Variants in KHDRBS2 observed in about 807,000 individuals in gnomAD.
The protein encoded by KHDRBS2 is KH domain-containing, RNA-binding, signal transduction-associated protein 2.
In KHDRBS2, 26 loss-of-function variants were observed where a neutral mutation model predicts 44.3. The observed-to-expected ratio is 0.59, with a 90% confidence interval of 0.43 to 0.81. The LOEUF (loss-of-function observed/expected upper bound fraction) is 0.81, where lower values mean the gene tolerates loss of function less well. KHDRBS2 is among the 40% of genes least tolerant of loss of function. The pLI is 0.00. For synonymous variants in KHDRBS2, 194 were observed against 151.1 expected (o/e 1.28, Z -2.08); for missense variants, 476 against 433.1 (o/e 1.10, Z -0.88).
chr6:61,793,365 G>A (rs973337523), intron 6 of KHDRBS2, among the ~76,000 whole-genome samples: 1 of 151,978 alleles, frequency 6.6e-6, no homozygotes, highest in Non-Finnish European at 1.5e-5. Context: ...ATGTGTACAT[G>A]TTTATAGGGT....
intron 3 of KHDRBS2, among the ~76,000 whole-genome samples, chr6:62,002,120 G>A (rs1413628859): frequency 6.6e-6 from 1 of 151,708 alleles, no homozygotes; most frequent in African/African-American, 2.4e-5. Context: ...GCACACATTT[G>A]AAACCATTCA....
intron 4 of KHDRBS2, among the ~76,000 whole-genome samples, chr6:61,945,108 A>T (rs1331971679): frequency 0.4 from 21,736 of 54,658 alleles, 4,501 homozygotes; most frequent in East Asian, 0.46. Context: ...AAAAAAAAAA[A>T]AAAAGTATAT....
At chr6:61,607,494 G>A in the KHDRBS2 span, among the ~76,000 whole-genome samples, 51 of 63,814 alleles carry the variant, frequency 8.0e-4, no homozygotes, top group African/African-American at 2.7e-3. Flanking sequence ...TAGACTTGAG[G>A]TAGAAGCATA....
At chr6:62,043,985 A>C (rs1787119672) in intron 3 of KHDRBS2, among the ~76,000 whole-genome samples, 1 of 152,070 alleles carries the variant, frequency 6.6e-6, no homozygotes, top group Non-Finnish European at 1.5e-5. Flanking sequence ...ATTAAGTATC[A>C]AGCTTTGTGA....
intron 1 of KHDRBS2, among the ~76,000 whole-genome samples, chr6:62,204,050 C>A (rs1476939469): frequency 6.6e-6 from 1 of 152,168 alleles, no homozygotes; most frequent in Non-Finnish European, 1.5e-5. Context: ...TCCCCATCCC[C>A]TTCCACCATG....
At chr6:61,664,712 G>A in the KHDRBS2 span, among the ~76,000 whole-genome samples, 92 of 151,648 alleles carry the variant, frequency 6.1e-4, no homozygotes, top group Non-Finnish European at 1.5e-4. Context: ...TATACCTGAT[G>A]GGTAGAAGAA....
intron 3 of KHDRBS2, among the ~76,000 whole-genome samples, chr6:62,026,435 A>G (rs1336376270): frequency 7.1e-6 from 1 of 140,272 alleles, no homozygotes; most frequent in African/African-American, 2.5e-5. Flanking sequence ...TATTATTATT[A>G]TTATTTTTTT....
chr6:61,606,844 A>C, the KHDRBS2 span, among the ~76,000 whole-genome samples: 1 of 152,180 alleles, frequency 6.6e-6, no homozygotes, highest in African/African-American at 2.4e-5. Context: ...GTTTATTTTT[A>C]TCTGCAGGCC....
At chr6:62,172,138 G>A (rs1820136183) in intron 2 of KHDRBS2, among the ~76,000 whole-genome samples, 1 of 152,022 alleles carries the variant, frequency 6.6e-6, no homozygotes, top group African/African-American at 2.4e-5. Context: ...ACGGCAGATT[G>A]GATAAAAAAG....
chr6:61,742,724 A>G (rs1459501481), intron 6 of KHDRBS2, among the ~76,000 whole-genome samples: 2 of 152,048 alleles, frequency 1.3e-5, no homozygotes, highest in South Asian at 4.1e-4. Flanking sequence ...AAACCATATG[A>G]GATCATAAAG....
the KHDRBS2 span, among the ~76,000 whole-genome samples, chr6:61,643,500 T>G: frequency 6.6e-6 from 1 of 152,104 alleles, no homozygotes; most frequent in Non-Finnish European, 1.5e-5. Flanking sequence ...GGCATCCAAA[T>G]AGGAGAGGAA....
At chr6:61,699,597 C>T (rs751665104) in intron 7 of KHDRBS2, among the ~76,000 whole-genome samples, 1 of 151,912 alleles carries the variant, frequency 6.6e-6, no homozygotes, top group Non-Finnish European at 1.5e-5. Flanking sequence ...TAGATGTTCT[C>T]TGAATGTGGT....
intron 2 of KHDRBS2, among the ~76,000 whole-genome samples, chr6:62,060,923 T>G (rs1791670872): frequency 6.6e-6 from 1 of 151,922 alleles, no homozygotes; most frequent in African/African-American, 2.4e-5. Context: ...AATCATATTA[T>G]ACTTTACAGA....
intron 6 of KHDRBS2, among the ~76,000 whole-genome samples, chr6:61,792,153 T>C (rs1453621659): frequency 2.0e-5 from 3 of 151,590 alleles, no homozygotes; most frequent in African/African-American, 7.2e-5. Flanking sequence ...GTCTGAAGTC[T>C]AAAGTTGAAA....
intron 2 of KHDRBS2, among the ~76,000 whole-genome samples, chr6:62,133,134 G>A (rs1271398016): frequency 6.6e-6 from 1 of 152,138 alleles, no homozygotes; most frequent in Non-Finnish European, 1.5e-5. Flanking sequence ...GTTAGTGAGG[G>A]TGTGGAGAAT....
chr6:62,006,909 A>T (rs538323983), intron 3 of KHDRBS2, among the ~76,000 whole-genome samples: 87 of 152,036 alleles, frequency 5.7e-4, no homozygotes, highest in South Asian at 4.3e-3. Context: ...TATTAGATAA[A>T]TTTTTTTTAA....
the KHDRBS2 span, among the ~76,000 whole-genome samples, chr6:61,620,486 G>C: frequency 6.6e-6 from 1 of 152,132 alleles, no homozygotes; most frequent in Non-Finnish European, 1.5e-5. Context: ...TTGAATTAAA[G>C]TTCTATCTCT....
chr6:61,662,552 G>C, the KHDRBS2 span, among the ~76,000 whole-genome samples: 1 of 151,294 alleles, frequency 6.6e-6, no homozygotes, highest in African/African-American at 2.4e-5. Context: ...AAATTTACAA[G>C]AAAAAAAACA....
At chr6:61,582,940 A>C in the KHDRBS2 span, among the ~76,000 whole-genome samples, 1 of 151,842 alleles carries the variant, frequency 6.6e-6, no homozygotes, top group Non-Finnish European at 1.5e-5. Flanking sequence ...TTTCTTCAAA[A>C]AACCATTTTA....
Sources: allele counts gnomAD v4.1 joint callset (sites outside exome capture counted in the v4.1 genomes callset), GRCh38; gene constraint gnomAD v4.1.1; transcripts MANE v1.5; gene names NCBI Gene and HGNC (gene_info 2026-07-23, HGNC 2026-07-21).